BMPR1A: variants seen among roughly 807,000 people sequenced by gnomAD.
BMPR1A encodes bone morphogenetic protein receptor type 1A, also known as bone morphogenetic protein receptor type-1A.
BMPR1A carries 7 observed loss-of-function variants against 66.0 expected under a neutral mutation model. That is an observed-to-expected ratio of 0.11 (90% CI 0.06 to 0.20). The LOEUF (loss-of-function observed/expected upper bound fraction) is 0.20, where lower values mean the gene tolerates loss of function less well. BMPR1A is among the 10% of genes least tolerant of loss of function. The probability of loss-of-function intolerance (pLI) is 1.00; values close to 1 mark genes in which losing one functional copy is unlikely to be tolerated. For missense variants in BMPR1A, 408 were observed against 669.1 expected, an observed-to-expected ratio of 0.61 and a Z score of 4.31; for synonymous variants, 200 against 229.7, an observed-to-expected ratio of 0.87 and a Z score of 1.17.
chr10:86,865,154 G>A (rs1842767360), intron 2 of BMPR1A, among the ~76,000 whole-genome samples: 1 of 152,072 alleles, frequency 6.6e-6, no homozygotes, highest in African/African-American at 2.4e-5. Context: ...GAATGAATAT[G>A]CCCTGCCCCA....
chr10:86,760,390 A>G (rs1481561879), intron 1 of BMPR1A, among the ~76,000 whole-genome samples: 2 of 150,052 alleles, frequency 1.3e-5, no homozygotes, highest in African/African-American at 2.5e-5. Flanking sequence ...GGTAGCTGGG[A>G]CCACGCCTGG....
Position 86,900,073 on chromosome 10 carries a change from T to C in BMPR1A, c.477T>C (p.Ser159=). 1 of 1,614,174 alleles carries C rather than the reference T, an allele frequency of 6.2e-7. No individual in the cohort carries two copies. The highest frequency in any genetic ancestry group is 8.5e-7 in the Non-Finnish European group (1 of 1,180,044). The change falls in exon 7 of 13, where the codon TCT becomes TCC. Residue 159 remains serine, a synonymous_variant. Coordinates refer to ENST00000372037, the MANE Select transcript of BMPR1A (RefSeq NM_004329.3). The part of the protein sequence containing the change: ...GSIRWLVLLI[S]MAVCIIAMII... ...TTCGATGGCTGGTTTTGCTCATTTC[T>C]ATGGCTGTCTGCATAATTGCTATGA...
chr10:86,916,364 G>A (rs180977669), intron 8 of BMPR1A, among the ~76,000 whole-genome samples: 13 of 152,322 alleles, frequency 8.5e-5, no homozygotes, highest in Admixed American at 5.2e-4. Flanking sequence ...TTCATTTGTT[G>A]GACTTGCTTA....
chr10:86,908,692 C>T (rs1371370407), intron 7 of BMPR1A, among the ~76,000 whole-genome samples: 5 of 152,110 alleles, frequency 3.3e-5, no homozygotes, highest in Non-Finnish European at 5.9e-5. Flanking sequence ...TCTGCTGTTG[C>T]GTGTTATTCA....
At chr10:86,830,657 C>G (rs1360131483) in intron 1 of BMPR1A, among the ~76,000 whole-genome samples, 1 of 151,912 alleles carries the variant, frequency 6.6e-6, no homozygotes, top group African/African-American at 2.4e-5. Flanking sequence ...TATTTCTTGC[C>G]CATTTTCTAG....
chr10:86,808,586 G>A (rs1841923989), intron 1 of BMPR1A, among the ~76,000 whole-genome samples: 1 of 152,162 alleles, frequency 6.6e-6, no homozygotes, highest in Admixed American at 6.5e-5. Context: ...TCCACTCATT[G>A]ACAAACCACT....
chr10:86,931,305 A>G (rs1242294156), downstream of BMPR1A: 1 of 129,192 alleles, frequency 7.7e-6, no homozygotes, highest in South Asian at 2.3e-4. Flanking sequence ...ACACATATAT[A>G]TATATATATT....
downstream of BMPR1A, chr10:86,931,575 G>A (rs1843811495): frequency 6.6e-6 from 1 of 152,028 alleles, no homozygotes; most frequent in Non-Finnish European, 1.5e-5. Context: ...GAGTTCAGCT[G>A]GAGATAGAAT....
chr10:86,881,083 C>CAA (rs1012340684), intron 3 of BMPR1A, among the ~76,000 whole-genome samples: 6 of 148,916 alleles, frequency 4.0e-5, no homozygotes, highest in African/African-American at 1.5e-4. Flanking sequence ...CTGGTCTCTA[C>CAA]AAAAAAAAAA....
intron 1 of BMPR1A, among the ~76,000 whole-genome samples, chr10:86,815,276 A>G (rs1842020805): frequency 6.6e-6 from 1 of 152,178 alleles, no homozygotes; most frequent in Non-Finnish European, 1.5e-5. Context: ...TGTTTCTACT[A>G]CTGCCCCTCA....
intron 1 of BMPR1A, among the ~76,000 whole-genome samples, chr10:86,830,987 T>G (rs187620668): frequency 1.6e-4 from 25 of 152,352 alleles, no homozygotes; most frequent in Admixed American, 1.5e-3. Flanking sequence ...TGGAATCATA[T>G]GTCTGGCTTC....
At chr10:86,810,647 C>T (rs2132935143) in intron 1 of BMPR1A, among the ~76,000 whole-genome samples, 1 of 152,268 alleles carries the variant, frequency 6.6e-6, no homozygotes, top group Admixed American at 6.5e-5. Context: ...ATTTGTGTTT[C>T]CTTGTTACTG....
At chr10:86,835,549 C>CAAAAAA (rs55804247) in intron 1 of BMPR1A, among the ~76,000 whole-genome samples, 512 of 44,328 alleles carry the variant, frequency 0.012, 105 homozygotes, top group Non-Finnish European at 0.015. Flanking sequence ...GACTCTGTAT[C>CAAAAAA]AAAAAAAAAA....
chr10:86,794,051 A>G (rs949932531), intron 1 of BMPR1A, among the ~76,000 whole-genome samples: 1 of 152,104 alleles, frequency 6.6e-6, no homozygotes. Flanking sequence ...GGTCCCAACA[A>G]GCTCATCCAG....
rs1293595725 is a variant in BMPR1A, at chr10:86,790,229, A to G, written c.-268+33310A>G. On this transcript the variant is annotated intron_variant, in intron 1 of 12. Transcript: ENST00000372037. The stretch of plus-strand genomic sequence containing the variant: ...TATATATATATATATATATATATAT[A>G]TATATATCAAAACCACAATGAGATT... Among the ~76,000 whole-genome samples, 4 of 94,852 alleles carry G rather than the reference A, an allele frequency of 4.2e-5. 1 individual carries two copies. Among genetic ancestry groups the G allele is most frequent in the Non-Finnish European group, 6.4e-5 (3 of 46,572 alleles). 62.2% of individuals were successfully genotyped at this position (94,852 alleles called of 152,430 possible). A position where few individuals can be genotyped will look rare whatever the true frequency, so the allele number is the denominator to read the frequency against.
chr10:86,913,847 T>G (rs1365776482), intron 8 of BMPR1A, among the ~76,000 whole-genome samples: 4 of 152,182 alleles, frequency 2.6e-5, no homozygotes, highest in Admixed American at 2.6e-4. Context: ...CAAATTGGTG[T>G]GTAATTTCAT....
chr10:86,850,706 A>G (rs576645076), intron 2 of BMPR1A, among the ~76,000 whole-genome samples: 1 of 152,210 alleles, frequency 6.6e-6, no homozygotes, highest in Admixed American at 6.5e-5. Flanking sequence ...ATCATGACTC[A>G]CCACAGCCTT....
intron 2 of BMPR1A, among the ~76,000 whole-genome samples, chr10:86,868,849 T>TAC (rs1399639625): frequency 1.3e-5 from 2 of 151,462 alleles, no homozygotes; most frequent in Non-Finnish European, 2.9e-5. Flanking sequence ...TTTAAAATCT[T>TAC]TTACTTAAAA....
intron 6 of BMPR1A, 29 bp downstream of exon 6, chr10:86,899,919 G>A (rs780781835): frequency 1.2e-6 from 2 of 1,610,848 alleles, no homozygotes; most frequent in Admixed American, 1.7e-5. Flanking sequence ...GTCGGAGCAT[G>A]CTTCTCAAAT....
Sources: gnomAD v4.1 joint callset for allele counts (sites outside exome capture counted in the v4.1 genomes callset) on GRCh38, gnomAD v4.1.1 for gene constraint, MANE v1.5 for transcripts, NCBI Gene and HGNC (gene_info 2026-07-23, HGNC 2026-07-21) for gene names.